Variants in RAB33A observed in about 807,000 individuals in gnomAD.
RAB33A encodes the protein RAB33A, member RAS oncogene family, also known as ras-related protein Rab-33A.
A neutral mutation model predicts 12.0 loss-of-function variants in RAB33A; 6 were observed. That is an observed-to-expected ratio of 0.50 (90% CI 0.27 to 0.99). RAB33A has a LOEUF of 0.99. Among genes scored for constraint, RAB33A ranks in the 50% least tolerant of loss-of-function variants. The probability of loss-of-function intolerance (pLI) is 0.11; values close to 1 mark genes in which losing one functional copy is unlikely to be tolerated. For missense variants in RAB33A, 109 were observed against 192.0 expected, an observed-to-expected ratio of 0.57 and a Z score of 2.55; for synonymous variants, 70 against 82.4, an observed-to-expected ratio of 0.85 and a Z score of 0.81.
chrX:130,114,625 C>T, the RAB33A span, among the ~76,000 whole-genome samples: 1 of 112,044 alleles, frequency 8.9e-6, no homozygotes, highest in African/African-American at 3.2e-5. Flanking sequence ...TTTCTCCTTC[C>T]AGCCCTGCTT....
chrX:130,118,280 G>C, the RAB33A span, among the ~76,000 whole-genome samples: 1 of 112,471 alleles, frequency 8.9e-6, no homozygotes, highest in African/African-American at 3.2e-5. Flanking sequence ...CCAGGACTAG[G>C]GATGAGGTAG....
At chrX:130,179,166 A>C (rs1176352115) in intron 1 of RAB33A, among the ~76,000 whole-genome samples, 1 of 111,065 alleles carries the variant, frequency 9.0e-6, no homozygotes, top group Non-Finnish European at 1.9e-5. Flanking sequence ...CCTGCAGTTT[A>C]AATTCGGAGC....
chrX:130,110,731 C>T, the RAB33A span: 1 of 109,185 alleles, frequency 9.2e-6, no homozygotes, highest in South Asian at 3.8e-4. Flanking sequence ...GAGACGGCGG[C>T]GCCCCTGATA....
the RAB33A span, among the ~76,000 whole-genome samples, chrX:130,163,902 T>C: frequency 9.3e-5 from 10 of 107,788 alleles, no homozygotes; most frequent in Admixed American, 2.0e-4. Context: ...ACGCCTGTAA[T>C]CCCAGCGCTT....
the RAB33A span, chrX:130,165,955 G>A: frequency 7.2e-5 from 26 of 359,946 alleles, no homozygotes; most frequent in South Asian, 3.4e-5. Flanking sequence ...AAAGACGCTG[G>A]CTCTAGGTAG....
At chrX:130,111,106 C>G in the RAB33A span, among the ~76,000 whole-genome samples, 2 of 108,145 alleles carry the variant, frequency 1.8e-5, no homozygotes, top group African/African-American at 6.7e-5. Flanking sequence ...CATGGGGAGC[C>G]GTGCCAGGGG....
chrX:130,125,193 G>A, the RAB33A span, among the ~76,000 whole-genome samples: 42 of 111,764 alleles, frequency 3.8e-4, no homozygotes, highest in African/African-American at 1.2e-3. Flanking sequence ...AGTACCGGGC[G>A]AGCTTCCAGA....
the RAB33A span, among the ~76,000 whole-genome samples, chrX:130,163,866 C>A: frequency 9.0e-6 from 1 of 110,909 alleles, no homozygotes; most frequent in Admixed American, 9.6e-5. Flanking sequence ...TGAAAAAATT[C>A]AGGTTATCGC....
the RAB33A span, among the ~76,000 whole-genome samples, chrX:130,157,692 C>A: frequency 9.0e-6 from 1 of 110,587 alleles, no homozygotes; most frequent in African/African-American, 3.3e-5. Context: ...GTAGGTCAGG[C>A]GTGGTGGCTC....
chrX:130,147,744 C>T, the RAB33A span: 3 of 1,212,024 alleles, frequency 2.5e-6, no homozygotes, highest in Admixed American at 6.5e-5. Flanking sequence ...AAAAAACATG[C>T]ACCTTACCCT....
chrX:130,171,305 G>A (rs934686872), upstream of RAB33A, among the ~76,000 whole-genome samples: 4 of 112,232 alleles, frequency 3.6e-5, no homozygotes, highest in African/African-American at 1.3e-4. Context: ...CAAGGCGCGG[G>A]TCGGGTAGAG....
rs1215767375 is a variant in RAB33A at position 130,172,215 on chromosome X, C to T, written c.153C>T (p.Cys51=). 2 of 1,212,298 alleles carry T rather than the reference C, an allele frequency of 1.6e-6. No homozygotes were observed. The highest frequency in any genetic ancestry group is 4.3e-5 in the Admixed American group (2 of 46,150). Residue 51 remains cysteine (C), a synonymous_variant, in exon 1 of 2, where the codon TGC becomes TGT. Transcript: ENST00000257017. ...VIGDSNVGKT[C]LTFRFCGGTF... ...GGGACTCCAACGTGGGCAAGACCTG[C>T]CTGACCTTCCGCTTCTGCGGGGGTA...
At chrX:130,133,630 ATT>A in the RAB33A span, among the ~76,000 whole-genome samples, 29 of 103,428 alleles carry the variant, frequency 2.8e-4, no homozygotes, top group African/African-American at 8.1e-4. Flanking sequence ...ACCCATTTAA[ATT>A]TTTTTTTTTT....
chrX:130,179,409 G>A (rs928356743), intron 1 of RAB33A, among the ~76,000 whole-genome samples: 3 of 110,731 alleles, frequency 2.7e-5, no homozygotes, highest in Non-Finnish European at 5.7e-5. Flanking sequence ...TAAAGCATCT[G>A]CCACATGCCT....
the RAB33A span, among the ~76,000 whole-genome samples, chrX:130,115,839 A>G: frequency 9.0e-6 from 1 of 111,254 alleles, no homozygotes. Flanking sequence ...TAAATCTGAG[A>G]AACCCCCTAT....
chrX:130,164,223 A>G, the RAB33A span, among the ~76,000 whole-genome samples: 1 of 111,249 alleles, frequency 9.0e-6, no homozygotes, highest in African/African-American at 3.3e-5. Context: ...ACAAGCACAG[A>G]GCACCATCAT....
the RAB33A span, chrX:130,137,487 G>C: frequency 8.6e-7 from 1 of 1,165,666 alleles, no homozygotes; most frequent in Admixed American, 2.6e-5. Flanking sequence ...CCTCTGAATA[G>C]GAAGCATCCT....
upstream of RAB33A, among the ~76,000 whole-genome samples, chrX:130,169,926 A>G (rs1309351710): frequency 8.9e-6 from 1 of 112,352 alleles, no homozygotes; most frequent in Non-Finnish European, 1.9e-5. Flanking sequence ...CATCAGGGGC[A>G]TTAACTTCCA....
the RAB33A span, among the ~76,000 whole-genome samples, chrX:130,152,229 T>C: frequency 9.0e-6 from 1 of 111,640 alleles, no homozygotes; most frequent in Non-Finnish European, 1.9e-5. Flanking sequence ...TTGAGAGGAA[T>C]ATCCCAAAAT....
Sources: allele counts gnomAD v4.1 joint callset (sites outside exome capture counted in the v4.1 genomes callset), GRCh38; gene constraint gnomAD v4.1.1; transcripts MANE v1.5; gene names NCBI Gene and HGNC (gene_info 2026-07-23, HGNC 2026-07-21).